Variants in DOCK2 observed in about 807,000 individuals in gnomAD.
DOCK2 encodes the protein dedicator of cytokinesis protein 2.
In DOCK2, 87 loss-of-function variants were observed where a neutral mutation model predicts 248.9. That is an observed-to-expected ratio of 0.35 (90% CI 0.29 to 0.42). DOCK2 has a LOEUF of 0.42. Ranked by LOEUF, DOCK2 falls within the 10% of genes least tolerant of loss-of-function variation. The pLI is 1.00. For missense variants in DOCK2, 1,747 were observed against 2,300.2 expected (o/e 0.76, Z 4.92); for synonymous variants, 805 against 821.6 (o/e 0.98, Z 0.35).
At chr5:169,645,193 G>A (rs753043162) in intron 1 of DOCK2, among the ~76,000 whole-genome samples, 20 of 152,182 alleles carry the variant, frequency 1.3e-4, no homozygotes, top group Non-Finnish European at 2.2e-4. Context: ...GGTATTTCTC[G>A]TTCTAGATCC....
intron 44 of DOCK2, among the ~76,000 whole-genome samples, chr5:170,065,223 G>A (rs1027362206): frequency 1.3e-5 from 2 of 151,864 alleles, no homozygotes. Context: ...AAGCCTCAGG[G>A]TAACCACAAA....
chr5:170,039,190 A>G (rs1296850682), intron 36 of DOCK2, among the ~76,000 whole-genome samples: 1 of 152,048 alleles, frequency 6.6e-6, no homozygotes, highest in Admixed American at 6.5e-5. Flanking sequence ...CCATTTTTTG[A>G]ATGAATGAAT....
At chr5:169,757,386 T>G (rs1011371212) in intron 23 of DOCK2, among the ~76,000 whole-genome samples, 15 of 152,184 alleles carry the variant, frequency 9.9e-5, no homozygotes, top group African/African-American at 3.6e-4. Flanking sequence ...CACTGGTTTA[T>G]CTTTGCTTAA....
chr5:170,024,818 AC>A (rs1203594828), intron 33 of DOCK2, among the ~76,000 whole-genome samples: 1 of 152,064 alleles, frequency 6.6e-6, no homozygotes, highest in Non-Finnish European at 1.5e-5. Context: ...CTGAGACCTT[AC>A]CCCTCCAGCT....
At position 169,948,290 on chromosome 5, in the gene DOCK2, G is replaced by GT. The variant is rs564181749; in HGVS notation, c.2800-34772dup. 2.1e-3 allele frequency among the ~76,000 whole-genome samples: 278 copies of GT among 135,496 alleles called. 3 individuals carry two copies. The highest frequency in any genetic ancestry group is 2.7e-3 in the Non-Finnish European group (168 of 62,526). 88.9% of individuals were successfully genotyped at this position (135,496 alleles called of 152,430 possible). On this transcript the variant is annotated intron_variant, in intron 27 of 51. Transcript: ENST00000520908. ...ATATTTTAGTAGAGGGATTCAGAAC[G>GT]TTTTTTAAAAAAAGGTAAACAAATA...
At chr5:169,923,810 T>A (rs1234456454) in intron 27 of DOCK2, among the ~76,000 whole-genome samples, 1 of 152,240 alleles carries the variant, frequency 6.6e-6, no homozygotes, top group African/African-American at 2.4e-5. Context: ...GCATAGATGT[T>A]ATGCAACTTG....
intron 30 of DOCK2, among the ~76,000 whole-genome samples, chr5:170,007,770 G>A (rs1257389930): frequency 6.6e-6 from 1 of 152,170 alleles, no homozygotes; most frequent in African/African-American, 2.4e-5. Context: ...ATCCTTACAA[G>A]CCTGCATCTC....
intron 33 of DOCK2, among the ~76,000 whole-genome samples, chr5:170,027,235 G>T (rs565250907): frequency 2.2e-4 from 33 of 152,064 alleles, no homozygotes; most frequent in Admixed American, 8.5e-4. Context: ...TATTAATTCT[G>T]GGACCTGGGC....
At chr5:169,882,805 G>A in intron 27 of DOCK2, 1 of 1,551,104 alleles carries the variant, frequency 6.4e-7, no homozygotes, top group Non-Finnish European at 8.7e-7. Flanking sequence ...CAGTGTGTCT[G>A]ACTCGGTGGG....
chr5:170,016,236 C>T lies in DOCK2; in HGVS notation c.3233-2724C>T, dbSNP rs113561794. On this transcript the variant is annotated intron_variant, in intron 32 of 51. Coordinates refer to ENST00000520908, the MANE Select transcript of DOCK2 (RefSeq NM_004946.3). ...GGTATCTGTTCCCAGTGAAGTTCAG[C>T]TTCAATTACATGAAAAAGACCCTCT... Among the ~76,000 whole-genome samples, 1,320 of 152,366 alleles carry T rather than the reference C, an allele frequency of 8.7e-3. 5 individuals are homozygous for T. The highest frequency in any genetic ancestry group is 0.062 in the Middle Eastern group (18 of 292).
At chr5:169,939,808 A>G (rs1776160069) in intron 27 of DOCK2, among the ~76,000 whole-genome samples, 2 of 152,214 alleles carry the variant, frequency 1.3e-5, no homozygotes, top group Non-Finnish European at 2.9e-5. Context: ...AAAGGTAAAA[A>G]AAGTCAACCT....
chr5:169,682,181 A>T (rs554172171), intron 7 of DOCK2, among the ~76,000 whole-genome samples: 226 of 152,390 alleles, frequency 1.5e-3, no homozygotes, highest in Middle Eastern at 6.8e-3. Flanking sequence ...GAAAATATTA[A>T]TTCCAGATGA....
At chr5:169,723,644 C>T (rs1762318825) in intron 22 of DOCK2, among the ~76,000 whole-genome samples, 2 of 152,124 alleles carry the variant, frequency 1.3e-5, no homozygotes, top group Admixed American at 1.3e-4. Flanking sequence ...CCTTGAAGAC[C>T]TTTGCACCCT....
chr5:169,741,918 T>G (rs1188499975), intron 22 of DOCK2, among the ~76,000 whole-genome samples: 1 of 148,532 alleles, frequency 6.7e-6, no homozygotes, highest in African/African-American at 2.5e-5. Flanking sequence ...CACGCCATCC[T>G]CCTGCCTCAG....
chr5:169,655,532 C>A (rs769224685), intron 2 of DOCK2, among the ~76,000 whole-genome samples: 4 of 152,202 alleles, frequency 2.6e-5, no homozygotes, highest in Non-Finnish European at 4.4e-5. Flanking sequence ...GTGCTAAGTT[C>A]TTTATAACAC....
rs375128647 is a variant in DOCK2 at position 170,076,042 on chromosome 5, C to T, written c.4824C>T (p.Asn1608=). 6.2e-7 allele frequency: 1 copy of T among 1,613,968 alleles called. No homozygotes were observed. The highest frequency in any genetic ancestry group is 1.3e-5 in the African/African-American group (1 of 74,890). The part of the protein sequence containing the change: ...FHDRMEECFK[N]LKMKVEKEYG... Reference sequence around the variant, plus strand: ...ACCGGATGGAGGAATGTTTCAAGAACCTGAAAATGAAGGTGGAGAAGGAGT... The same window carrying T: ...ACCGGATGGAGGAATGTTTCAAGAATCTGAAAATGAAGGTGGAGAAGGAGT... Residue 1608 remains asparagine (N), a synonymous_variant, in exon 47 of 52, where the codon AAC becomes AAT. Transcript: ENST00000520908.
chr5:169,902,479 G>A (rs1773983042), intron 27 of DOCK2, among the ~76,000 whole-genome samples: 1 of 152,238 alleles, frequency 6.6e-6, no homozygotes, highest in Admixed American at 6.5e-5. Context: ...ACGTGATTCT[G>A]TAGCAAGAGG....
At chr5:169,902,511 T>G (rs1773984659) in intron 27 of DOCK2, among the ~76,000 whole-genome samples, 1 of 152,130 alleles carries the variant, frequency 6.6e-6, no homozygotes, top group Non-Finnish European at 1.5e-5. Flanking sequence ...TAAGGTCAAG[T>G]AGAGTGGTTT....
chr5:169,892,111 G>A (rs1480726017), intron 27 of DOCK2, among the ~76,000 whole-genome samples: 1 of 152,100 alleles, frequency 6.6e-6, no homozygotes, highest in African/African-American at 2.4e-5. Flanking sequence ...TCCTTTAGCG[G>A]TAAAATCAGC....
Sources: gnomAD v4.1 joint callset for allele counts (sites outside exome capture counted in the v4.1 genomes callset) on GRCh38, gnomAD v4.1.1 for gene constraint, MANE v1.5 for transcripts, NCBI Gene and HGNC (gene_info 2026-07-23, HGNC 2026-07-21) for gene names.